Variants in LINC00237 observed in about 807,000 individuals in gnomAD.
LINC00237 encodes the protein long intergenic non-protein coding RNA 237.
At chr20:21,100,091 C>CT (rs894482127) in intron 1 of LINC00237, among the ~76,000 whole-genome samples, 3 of 152,118 alleles carry the variant, frequency 2.0e-5, no homozygotes, top group Admixed American at 6.5e-5. Flanking sequence ...CTTCTCTTCG[C>CT]TTTTTTTTCT....
chr20:21,091,632 C>T (rs2030794203), intron 2 of LINC00237, among the ~76,000 whole-genome samples: 1 of 152,132 alleles, frequency 6.6e-6, no homozygotes, highest in African/African-American at 2.4e-5. Context: ...ACGACTCCAC[C>T]AAACATTAGG....
intron 2 of LINC00237, among the ~76,000 whole-genome samples, chr20:21,091,846 G>C (rs2030797688): frequency 6.6e-6 from 1 of 152,166 alleles, no homozygotes; most frequent in African/African-American, 2.4e-5. Context: ...GAATCTAACT[G>C]CCTTCAGAAA....
At chr20:21,099,089 C>G (rs1323722620) in intron 1 of LINC00237, among the ~76,000 whole-genome samples, 1 of 152,182 alleles carries the variant, frequency 6.6e-6, no homozygotes, top group East Asian at 1.9e-4. Context: ...CAGTTTGGGC[C>G]AACTCAGTGC....
At chr20:21,105,281 T>TCCCCCG (rs2030984560) in intron 1 of LINC00237, among the ~76,000 whole-genome samples, 1 of 139,722 alleles carries the variant, frequency 7.2e-6, no homozygotes, top group Non-Finnish European at 1.6e-5. Flanking sequence ...AACCCCCCCG[T>TCCCCCG]CCCCCGCCCC....
chr20:21,102,015 C>CCAGA (rs1568887080), intron 1 of LINC00237, among the ~76,000 whole-genome samples: 1 of 152,260 alleles, frequency 6.6e-6, no homozygotes, highest in Non-Finnish European at 1.5e-5. Context: ...ATACGCAAGG[C>CCAGA]CAGACCTGGT....
chr20:21,089,528 C>T (rs1002929054), intron 2 of LINC00237, among the ~76,000 whole-genome samples: 1 of 152,100 alleles, frequency 6.6e-6, no homozygotes, highest in Non-Finnish European at 1.5e-5. Context: ...TTCTTCTCTT[C>T]GCTGGGCTCG....
intron 3 of LINC00237, among the ~76,000 whole-genome samples, chr20:21,086,186 T>C (rs2030690128): frequency 6.6e-6 from 1 of 152,206 alleles, no homozygotes; most frequent in African/African-American, 2.4e-5. Context: ...TCCAAGGCTA[T>C]TCACTATATG....
At chr20:21,097,220 A>G (rs2030870453) in intron 1 of LINC00237, among the ~76,000 whole-genome samples, 1 of 152,218 alleles carries the variant, frequency 6.6e-6, no homozygotes, top group East Asian at 1.9e-4. Context: ...GGTTAAGCCC[A>G]CCCAGCACAG....
intron 2 of LINC00237, among the ~76,000 whole-genome samples, chr20:21,091,060 C>CGTGTGT (rs57771489): frequency 8.1e-4 from 120 of 147,244 alleles, no homozygotes; most frequent in African/African-American, 2.2e-3. Flanking sequence ...TGTGTGTGTG[C>CGTGTGT]GTGTGTGTGT....
chr20:21,103,630 G>C (rs1600315502), intron 1 of LINC00237, among the ~76,000 whole-genome samples: 1 of 152,314 alleles, frequency 6.6e-6, no homozygotes, highest in African/African-American at 2.4e-5. Flanking sequence ...TCCTCTGAAA[G>C]GGTAATTGTC....
At chr20:21,099,534 C>T (rs958969483) in intron 1 of LINC00237, among the ~76,000 whole-genome samples, 5 of 152,122 alleles carry the variant, frequency 3.3e-5, no homozygotes, top group Non-Finnish European at 5.9e-5. Flanking sequence ...CCAGCCCCTC[C>T]CAGCACCCAG....
At chr20:21,098,972 G>A (rs181462065) in intron 1 of LINC00237, among the ~76,000 whole-genome samples, 153 of 152,314 alleles carry the variant, frequency 1.0e-3, no homozygotes, top group African/African-American at 3.6e-3. Context: ...GAACATAATC[G>A]CAGCCATGAA....
At chr20:21,100,503 C>A (rs1424139814) in intron 1 of LINC00237, among the ~76,000 whole-genome samples, 1 of 152,280 alleles carries the variant, frequency 6.6e-6, no homozygotes, top group Non-Finnish European at 1.5e-5. Flanking sequence ...CCACCGCTGC[C>A]TACAAGGGAG....
At chr20:21,100,193 T>A (rs1162490902) in intron 1 of LINC00237, among the ~76,000 whole-genome samples, 1 of 152,198 alleles carries the variant, frequency 6.6e-6, no homozygotes, top group Non-Finnish European at 1.5e-5. Flanking sequence ...TTCAAGTTTT[T>A]AGGGATGCCC....
intron 1 of LINC00237, among the ~76,000 whole-genome samples, chr20:21,105,274 C>T (rs558699588): frequency 2.6e-5 from 4 of 151,868 alleles, no homozygotes; most frequent in Admixed American, 1.3e-4. Flanking sequence ...TCTGAACAAC[C>T]CCCCCGTCCC....
intron 1 of LINC00237, among the ~76,000 whole-genome samples, chr20:21,103,962 T>C (rs1011232154): frequency 1.3e-5 from 2 of 152,124 alleles, no homozygotes; most frequent in Non-Finnish European, 2.9e-5. Flanking sequence ...ATCTGGGAAA[T>C]ACAACCCAGT....
rs2030937089 is a variant in LINC00237 at position 21,101,880 on chromosome 20, G to A, written n.88+4391C>T. Among the ~76,000 whole-genome samples the A allele has an allele frequency of 6.6e-6, 1 of 152,134 alleles. No individual in the cohort carries two copies. The highest frequency in any genetic ancestry group is 1.5e-5 in the Non-Finnish European group (1 of 68,032). ...TGGCGGGGGCACGCGGGGGTGGTTG[G>A]GGGCGGAGTGCGGCGAGGGGTGAGG... On this transcript the variant is annotated intron_variant and non_coding_transcript_variant, in intron 1 of 3. Transcript: ENST00000691244. The surrounding 1 kb of genome is among the most constrained non-coding windows in gnomAD (Gnocchi z 4.3).
At position 21,094,663 on chromosome 20, in the gene LINC00237, G is replaced by A. The variant is rs1360336902; in HGVS notation, n.89-811C>T. Among the ~76,000 whole-genome samples, 6 of 152,248 alleles carry A rather than the reference G, an allele frequency of 3.9e-5. No homozygotes were observed. The South Asian group carries it at 6.2e-4, about 16-fold the overall frequency. On this transcript the variant is annotated intron_variant and non_coding_transcript_variant, in intron 1 of 3. Coordinates refer to ENST00000691244, the Ensembl canonical transcript of LINC00237. Reference sequence around the variant, plus strand: ...TCTTCCCATCAATAGGAAGAGTGGCGGCTCACACCGTAGTCCTAATTGGAG... The same window carrying A: ...TCTTCCCATCAATAGGAAGAGTGGCAGCTCACACCGTAGTCCTAATTGGAG...
chr20:21,095,455 T>C (rs749187410), intron 1 of LINC00237, among the ~76,000 whole-genome samples: 5 of 152,200 alleles, frequency 3.3e-5, no homozygotes, highest in Admixed American at 6.5e-5. Context: ...GGGTGATTCA[T>C]TAAGCAGCAA....
Sources: allele counts gnomAD v4.1 joint callset (sites outside exome capture counted in the v4.1 genomes callset), GRCh38; gene constraint gnomAD v4.1.1; non-coding constraint Gnocchi (gnomAD v3.1); transcripts MANE v1.5; gene names NCBI Gene and HGNC (gene_info 2026-07-23, HGNC 2026-07-21).